The following TMEM132D variants were observed in gnomAD, a reference collection of about 807,000 sequenced individuals.
TMEM132D encodes mature OL transmembrane protein.
TMEM132D carries 21 observed loss-of-function variants against 62.3 expected under a neutral mutation model. The observed-to-expected ratio is 0.34, with a 90% CI of 0.24 to 0.49. The LOEUF (loss-of-function observed/expected upper bound fraction) is 0.49, where lower values mean the gene tolerates loss of function less well. TMEM132D is among the 20% of genes least tolerant of loss of function. The probability of loss-of-function intolerance (pLI) is 0.99; values close to 1 mark genes in which losing one functional copy is unlikely to be tolerated. For synonymous variants in TMEM132D, 621 were observed against 575.6 expected (o/e 1.08, Z -1.13); for missense variants, 1,346 against 1,402.8 (o/e 0.96, Z 0.65).
intron 3 of TMEM132D, among the ~76,000 whole-genome samples, chr12:129,525,420 C>T (rs1000550673): frequency 5.9e-5 from 9 of 151,842 alleles, no homozygotes; most frequent in Admixed American, 2.6e-4. Flanking sequence ...GATACAGGCT[C>T]GGTATACCAC....
chr12:129,491,251 C>A (rs1874787635), intron 3 of TMEM132D, among the ~76,000 whole-genome samples: 1 of 152,172 alleles, frequency 6.6e-6, no homozygotes, highest in East Asian at 1.9e-4. Flanking sequence ...GCTCTTCCTG[C>A]ACTGCCAGTA....
chr12:129,344,232 AC>A (rs1255262899), intron 3 of TMEM132D, among the ~76,000 whole-genome samples: 1 of 152,152 alleles, frequency 6.6e-6, no homozygotes, highest in Non-Finnish European at 1.5e-5. Context: ...CTGGATCAGA[AC>A]CCCTTTCCTG....
At chr12:129,160,607 C>A in intron 5 of TMEM132D, among the ~76,000 whole-genome samples, 1 of 152,174 alleles carries the variant, frequency 6.6e-6, no homozygotes, top group African/African-American at 2.4e-5. Flanking sequence ...ATGTACCCAG[C>A]CATTCTATGT....
intron 3 of TMEM132D, among the ~76,000 whole-genome samples, chr12:129,501,996 T>C (rs1593040251): frequency 8.8e-6 from 1 of 113,032 alleles, no homozygotes; most frequent in East Asian, 2.6e-4. Flanking sequence ...CCAATTTCTG[T>C]GACTTTTTTT....
chr12:129,499,017 A>C (rs115417961), intron 3 of TMEM132D, among the ~76,000 whole-genome samples: 244 of 152,290 alleles, frequency 1.6e-3, no homozygotes, highest in African/African-American at 5.4e-3. Context: ...GTAACGTGCC[A>C]GCCTGCCTTC....
At chr12:129,540,424 C>T (rs546657834) in intron 2 of TMEM132D, among the ~76,000 whole-genome samples, 10 of 152,078 alleles carry the variant, frequency 6.6e-5, no homozygotes, top group South Asian at 2.1e-4. Flanking sequence ...GTGAGTAATT[C>T]GAGGAGAGTA....
chr12:129,420,334 G>GTTTTTTTTTTTT (rs1872276742), intron 3 of TMEM132D, among the ~76,000 whole-genome samples: 1 of 131,068 alleles, frequency 7.6e-6, no homozygotes, highest in Non-Finnish European at 1.5e-5. Context: ...TTTTTTTGCA[G>GTTTTTTTTTTTT]TATCTGGGCC....
intron 4 of TMEM132D, among the ~76,000 whole-genome samples, chr12:129,241,441 C>T (rs1879935060): frequency 6.6e-6 from 1 of 152,072 alleles, no homozygotes; most frequent in African/African-American, 2.4e-5. Flanking sequence ...CTTCTTTGGC[C>T]CCACCGACCT....
At chr12:129,632,885 C>T (rs996864803) in intron 2 of TMEM132D, among the ~76,000 whole-genome samples, 5 of 152,158 alleles carry the variant, frequency 3.3e-5, no homozygotes, top group East Asian at 1.9e-4. Context: ...TCAGCCACTT[C>T]GGTGCATTCA....
intron 3 of TMEM132D, among the ~76,000 whole-genome samples, chr12:129,516,986 A>G (rs1056131010): frequency 6.6e-6 from 1 of 151,990 alleles, no homozygotes; most frequent in Non-Finnish European, 1.5e-5. Context: ...TCTGACACCA[A>G]ATCTCCCTCT....
At chr12:129,249,094 T>C (rs1880198287) in intron 4 of TMEM132D, among the ~76,000 whole-genome samples, 2 of 152,194 alleles carry the variant, frequency 1.3e-5, no homozygotes, top group African/African-American at 4.8e-5. Context: ...TCAGAGGAAC[T>C]ATCTCATCCT....
chr12:129,086,822 AC>A (rs1236102994), intron 5 of TMEM132D, among the ~76,000 whole-genome samples: 2 of 151,788 alleles, frequency 1.3e-5, no homozygotes, highest in East Asian at 3.8e-4. Flanking sequence ...CGTGTGTATA[AC>A]ATGAGTGCAG....
At chr12:129,599,256 T>A (rs946676246) in intron 2 of TMEM132D, among the ~76,000 whole-genome samples, 1 of 152,226 alleles carries the variant, frequency 6.6e-6, no homozygotes, top group African/African-American at 2.4e-5. Flanking sequence ...CTTAACCCAG[T>A]TTGAGTAGGG....
chr12:129,567,027 T>G (rs192312569), intron 2 of TMEM132D, among the ~76,000 whole-genome samples: 1 of 152,332 alleles, frequency 6.6e-6, no homozygotes, highest in African/African-American at 2.4e-5. Flanking sequence ...CCCTAAAACG[T>G]ATAAAACCAG....
chr12:129,869,338 T>C (rs190344773), intron 1 of TMEM132D, among the ~76,000 whole-genome samples: 91 of 152,306 alleles, frequency 6.0e-4, no homozygotes, highest in Non-Finnish European at 1.0e-3. Flanking sequence ...CCTGGGGGCA[T>C]TGGTGGTAGG....
intron 2 of TMEM132D, among the ~76,000 whole-genome samples, chr12:129,696,378 G>T (rs535179616): frequency 6.6e-6 from 1 of 152,318 alleles, no homozygotes; most frequent in African/African-American, 2.4e-5. Context: ...TCAGCAAAGT[G>T]CACATATTTG....
rs550546771 is a variant in TMEM132D at position 129,711,000 on chromosome 12, G to A, written c.80-10302C>T. ...CTCCCCTACCCACGCGCATTCCCTG[G>A]GTAACCATATCCACTCTCTAGGCTT... On this transcript the variant is annotated intron_variant, in intron 1 of 8. Coordinates refer to ENST00000422113, the MANE Select transcript of TMEM132D (RefSeq NM_133448.3). Among the ~76,000 whole-genome samples the A allele has an allele frequency of 1.1e-4, 17 of 152,062 alleles. No homozygotes were observed. In the South Asian group the frequency reaches 2.7e-3, roughly 24 times the overall value.
chr12:129,775,219 T>C (rs1054379454), intron 1 of TMEM132D, among the ~76,000 whole-genome samples: 3 of 152,264 alleles, frequency 2.0e-5, no homozygotes, highest in East Asian at 1.9e-4. Context: ...CGTGTATTTA[T>C]TCAAGGTATT....
intron 5 of TMEM132D, among the ~76,000 whole-genome samples, chr12:129,121,287 G>A (rs1447026466): frequency 6.6e-6 from 1 of 151,896 alleles, no homozygotes; most frequent in Non-Finnish European, 1.5e-5. Context: ...GTAGAGACAG[G>A]GTTTTAACAT....
Sources: gnomAD v4.1 joint callset for allele counts (sites outside exome capture counted in the v4.1 genomes callset) on GRCh38, gnomAD v4.1.1 for gene constraint, MANE v1.5 for transcripts, NCBI Gene and HGNC (gene_info 2026-07-23, HGNC 2026-07-21) for gene names.